Variants in MYO7B observed in about 807,000 individuals in gnomAD.
MYO7B encodes the protein unconventional myosin-VIIb.
Under a neutral mutation model 259.7 loss-of-function variants are expected in MYO7B, and 212 were observed. The observed-to-expected ratio is 0.82, with a 90% CI of 0.73 to 0.91. MYO7B has a LOEUF of 0.91. Among genes scored for constraint, MYO7B ranks in the 40% least tolerant of loss-of-function variants. MYO7B has a pLI of 0.00. For missense variants in MYO7B, 2,732 were observed against 2,813.5 expected, an observed-to-expected ratio of 0.97 and a Z score of 0.66; for synonymous variants, 1,197 against 1,166.4, an observed-to-expected ratio of 1.03 and a Z score of -0.54.
chr2:127,635,957 G>C, intron 44 of MYO7B, 50 bp downstream of exon 44: 1 of 1,532,598 alleles, frequency 6.5e-7, no homozygotes, highest in Non-Finnish European at 8.8e-7. Context: ...TCCTCCCTGG[G>C]CCCCTGCACC....
chr2:127,582,141 GT>G (rs1379477364), intron 11 of MYO7B, 131 bp downstream of exon 11: 1 of 1,493,966 alleles, frequency 6.7e-7, no homozygotes, highest in African/African-American at 1.4e-5. Flanking sequence ...CACCTGCCTG[GT>G]GACCATGGAC....
intron 6 of MYO7B, among the ~76,000 whole-genome samples, chr2:127,571,583 C>A (rs181883800): frequency 3.3e-5 from 5 of 151,546 alleles, no homozygotes; most frequent in African/African-American, 9.7e-5. Context: ...TAGGTTCAAG[C>A]GATTCTCCTG....
chr2:127,542,176 A>T (rs917499918), intron 1 of MYO7B, among the ~76,000 whole-genome samples: 1 of 152,210 alleles, frequency 6.6e-6, no homozygotes, highest in African/African-American at 2.4e-5. Flanking sequence ...TCTCTTGGAC[A>T]TTACCCTGAA....
Position 127,622,666 on chromosome 2 carries a change from C to T in MYO7B, c.3646-536C>T, listed in dbSNP as rs1414355602. Reference sequence around the variant, plus strand: ...GACCCGAGGTGCCCTATACCAGGAGCTGTGGGTCACTTCCGCTGCACCTTC... The same window carrying T: ...GACCCGAGGTGCCCTATACCAGGAGTTGTGGGTCACTTCCGCTGCACCTTC... On this transcript the variant is annotated intron_variant, in intron 28 of 47. Coordinates refer to ENST00000409816, the MANE Select transcript of MYO7B (RefSeq NM_001393586.1). Among the ~76,000 whole-genome samples, 8 of 152,362 alleles carry T rather than the reference C, an allele frequency of 5.3e-5. No individual in the cohort carries two copies. The East Asian group carries it at 1.5e-3, about 29-fold the overall frequency.
chr2:127,592,515 G>A (rs1202287819), intron 16 of MYO7B, among the ~76,000 whole-genome samples: 1 of 152,254 alleles, frequency 6.6e-6, no homozygotes, highest in Non-Finnish European at 1.5e-5. Context: ...GGAGTGCTGT[G>A]TTTCTGTGGG....
Position 127,609,451 on chromosome 2 carries a change from G to C in MYO7B, c.2815-55G>C. On this transcript the variant is annotated intron_variant, in intron 22 of 47. Transcript: ENST00000409816. The surrounding 1 kb of genome is among the most constrained non-coding windows in gnomAD (Gnocchi z 6.9). ...CGGCCTGCTGGACAGTCAGCTGATG[G>C]GTTGGTTGTTACCTGAAAGCCCTGC... 6.6e-7 allele frequency: 1 copy of C among 1,511,370 alleles called. No homozygotes were observed. The highest frequency in any genetic ancestry group is 1.2e-5 in the South Asian group (1 of 83,846). The allele number at this position is 1,511,370 out of a possible 1,614,324, so 93.6% of individuals were successfully genotyped here.
chr2:127,618,239 T>G (rs1382036521), intron 26 of MYO7B, among the ~76,000 whole-genome samples: 2 of 152,086 alleles, frequency 1.3e-5, no homozygotes, highest in Non-Finnish European at 2.9e-5. Context: ...CTTGAGACCG[T>G]CATTACGAGA....
At chr2:127,561,415 T>C (rs996132575) in intron 2 of MYO7B, among the ~76,000 whole-genome samples, 2 of 151,972 alleles carry the variant, frequency 1.3e-5, no homozygotes, top group Non-Finnish European at 2.9e-5. Context: ...CCCACCACCA[T>C]GCCCAGTTAA....
intron 29 of MYO7B, 106 bp from the exon 30 acceptor site, chr2:127,623,987 A>C: frequency 9.2e-7 from 1 of 1,086,488 alleles, no homozygotes; most frequent in Non-Finnish European, 1.3e-6. Context: ...GCTGGGCTCC[A>C]AGGGCCCCAG....
rs756418990 is a variant in MYO7B, at chr2:127,630,825, G to C, written c.4854G>C (p.Glu1618Asp). The change falls in exon 36 of 48, where the codon GAG (glutamate) becomes GAC (aspartate). Residue 1618 changes from glutamate (E) to aspartate (D), a missense_variant. Glu to Asp is a conservative substitution (Grantham distance 45). Transcript: ENST00000409816. ...AGAAGAGGAAGCTGGCGGCTCAGGA[G>C]GGGCAGTTCACAGAGCCACGTCCTG... is the stretch of plus-strand genomic sequence containing the variant. ...SPEKRKLAAQ[E>D]GQFTEPRPEE... 3.1e-6 allele frequency: 5 copies of C among 1,613,056 alleles called. No homozygotes were observed. In the Admixed American group the frequency reaches 8.3e-5, roughly 27 times the overall value.
chr2:127,588,299 G>C, intron 14 of MYO7B, 93 bp from the exon 15 acceptor site: 1 of 1,430,826 alleles, frequency 7.0e-7, no homozygotes, highest in South Asian at 1.3e-5. Context: ...GCTCCTCCAC[G>C]CATCCTGTAT....
chr2:127,629,580 C>A, intron 34 of MYO7B, 65 bp from the exon 35 acceptor site: 1 of 1,503,616 alleles, frequency 6.7e-7, no homozygotes, highest in Admixed American at 2.1e-5. Flanking sequence ...AGATGACCCA[C>A]AAAATTCCAG....
intron 30 of MYO7B, 101 bp from the exon 31 acceptor site, chr2:127,625,267 T>C (rs36108975): frequency 0.19 from 259,763 of 1,346,774 alleles, 26,104 homozygotes; most frequent in South Asian, 0.3. Context: ...TTAGCTCCCC[T>C]GTGATGGGGC....
intron 26 of MYO7B, among the ~76,000 whole-genome samples, chr2:127,619,287 G>T (rs1680726344): frequency 8.4e-6 from 1 of 118,410 alleles, no homozygotes; most frequent in South Asian, 3.3e-4. Context: ...CTGGCTGGGT[G>T]GTGGGGGGTG....
In MYO7B at chr2:127,609,111, A is replaced by T. The variant is rs567116596; in HGVS notation, c.2814+233A>T. Among the ~76,000 whole-genome samples, 5 of 152,242 alleles carry T rather than the reference A, an allele frequency of 3.3e-5. No individual in the cohort carries two copies. In the South Asian group the frequency reaches 6.2e-4, roughly 19 times the overall value. On this transcript the variant is annotated intron_variant, in intron 22 of 47. Coordinates refer to ENST00000409816, the MANE Select transcript of MYO7B (RefSeq NM_001393586.1). The surrounding 1 kb of genome is among the most constrained non-coding windows in gnomAD (Gnocchi z 6.9). ...AGACTTCCTGGAGCCTTCTCTACCA[A>T]TGCTGCCGGGCTCTCCATCACATGG...
rs562473165 is a variant in MYO7B at position 127,599,938 on chromosome 2, T to C, written c.2339+3382T>C. On this transcript the variant is annotated intron_variant, in intron 19 of 47. Coordinates refer to ENST00000409816, the MANE Select transcript of MYO7B (RefSeq NM_001393586.1). ...TAATGTTTCATTAAGGATTTTTGCG[T>C]CTATATTCATGACGTCTGAGGATTT... 3.3e-5 allele frequency among the ~76,000 whole-genome samples: 5 copies of C among 152,336 alleles called. No homozygotes were observed. In the East Asian group the frequency reaches 9.6e-4, roughly 29 times the overall value.
intron 26 of MYO7B, among the ~76,000 whole-genome samples, chr2:127,618,758 G>T (rs1208211619): frequency 6.6e-6 from 1 of 152,208 alleles, no homozygotes; most frequent in Non-Finnish European, 1.5e-5. Flanking sequence ...CATCCTAAGG[G>T]AAGTGGGGAA....
intron 2 of MYO7B, among the ~76,000 whole-genome samples, chr2:127,561,745 ATAGAG>A (rs1434960177): frequency 5.3e-5 from 8 of 152,204 alleles, no homozygotes; most frequent in African/African-American, 1.9e-4. Flanking sequence ...CTCCTGTAAT[ATAGAG>A]TAGAGATTAG....
At chr2:127,633,796 G>A (rs1328584682) in intron 40 of MYO7B, among the ~76,000 whole-genome samples, 1 of 152,186 alleles carries the variant, frequency 6.6e-6, no homozygotes, top group Non-Finnish European at 1.5e-5. Flanking sequence ...TGACACAGAG[G>A]CCTTGATCAG....
Sources: gnomAD v4.1 joint callset for allele counts (sites outside exome capture counted in the v4.1 genomes callset) on GRCh38, gnomAD v4.1.1 for gene constraint, Gnocchi (gnomAD v3.1) non-coding constraint, MANE v1.5 for transcripts, NCBI Gene and HGNC (gene_info 2026-07-23, HGNC 2026-07-21) for gene names.